The following CIRSR variants were observed in gnomAD, a reference collection of about 807,000 sequenced individuals.
The protein encoded by CIRSR is CBF1 (RBPJ) interacting corepressor 1.
the CIRSR span, among the ~76,000 whole-genome samples, chr2:174,354,971 T>C: frequency 6.6e-6 from 1 of 151,378 alleles, no homozygotes; most frequent in Non-Finnish European, 1.5e-5. Context: ...GTAGTAATAC[T>C]TTTCACAATG....
chr2:174,362,796 T>C, the CIRSR span, among the ~76,000 whole-genome samples: 1 of 151,146 alleles, frequency 6.6e-6, no homozygotes, highest in South Asian at 2.1e-4. Flanking sequence ...CAGAGTATTA[T>C]AGCTTGCTGG....
chr2:174,392,746 T>C, the CIRSR span, among the ~76,000 whole-genome samples: 1 of 152,374 alleles, frequency 6.6e-6, no homozygotes, highest in South Asian at 2.1e-4. Context: ...TCTACCCATA[T>C]GAGATAGCAA....
the CIRSR span, chr2:174,380,610 T>C: frequency 1.9e-6 from 3 of 1,551,736 alleles, no homozygotes; most frequent in South Asian, 3.5e-5. Flanking sequence ...AATGTAAACT[T>C]AATGATACAT....
the CIRSR span, among the ~76,000 whole-genome samples, chr2:174,365,893 A>T: frequency 6.6e-6 from 1 of 152,198 alleles, no homozygotes; most frequent in Middle Eastern, 3.2e-3. Flanking sequence ...AACCAGACTT[A>T]GATATGGCAG....
At chr2:174,376,934 G>A in the CIRSR span, among the ~76,000 whole-genome samples, 1 of 152,150 alleles carries the variant, frequency 6.6e-6, no homozygotes, top group East Asian at 1.9e-4. Flanking sequence ...CTTAAAAACA[G>A]GTTAACTATT....
the CIRSR span, among the ~76,000 whole-genome samples, chr2:174,362,874 G>A: frequency 4.7e-4 from 72 of 152,104 alleles, no homozygotes; most frequent in Admixed American, 2.1e-3. Context: ...AATTGTTGGA[G>A]ACTGAGCATG....
the CIRSR span, chr2:174,387,491 C>T: frequency 3.5e-5 from 17 of 491,468 alleles, no homozygotes; most frequent in Admixed American, 8.9e-5. Context: ...CTATATTTTA[C>T]GTGAATTATG....
chr2:174,389,476 G>A, the CIRSR span, among the ~76,000 whole-genome samples: 10 of 152,224 alleles, frequency 6.6e-5, no homozygotes, highest in South Asian at 4.1e-4. Flanking sequence ...TAAGGTATCC[G>A]GTAGAAGAAA....
At chr2:174,376,847 C>T in the CIRSR span, among the ~76,000 whole-genome samples, 1 of 150,974 alleles carries the variant, frequency 6.6e-6, no homozygotes, top group African/African-American at 2.4e-5. Flanking sequence ...TGGAGAAGAG[C>T]CAATAACCAG....
chr2:174,382,379 C>G, the CIRSR span, among the ~76,000 whole-genome samples: 3 of 152,148 alleles, frequency 2.0e-5, no homozygotes, highest in South Asian at 6.2e-4. Context: ...TGGCTCACAC[C>G]TGTAATCCCA....
the CIRSR span, among the ~76,000 whole-genome samples, chr2:174,352,208 CACACACACACACACACACAT>C: frequency 3.2e-5 from 1 of 31,684 alleles, no homozygotes; most frequent in Non-Finnish European, 1.4e-4. Flanking sequence ...TTGCTAATCA[CACACACACACACACACACAT>C]ACACACACAC....
At chr2:174,384,592 T>G in the CIRSR span, among the ~76,000 whole-genome samples, 1 of 152,200 alleles carries the variant, frequency 6.6e-6, no homozygotes, top group African/African-American at 2.4e-5. Flanking sequence ...TCTCTTTGTT[T>G]TTTGGGGTTT....
the CIRSR span, among the ~76,000 whole-genome samples, chr2:174,363,090 C>T: frequency 6.6e-6 from 1 of 152,150 alleles, no homozygotes; most frequent in African/African-American, 2.4e-5. Flanking sequence ...AATGCTAACT[C>T]TCAAGGGCAA....
the CIRSR span, among the ~76,000 whole-genome samples, chr2:174,361,082 ATCAACTACG>A: frequency 6.8e-6 from 1 of 147,530 alleles, no homozygotes; most frequent in African/African-American, 2.7e-5. Context: ...ATCAACTACG[ATCAACTACG>A]ATCAACTATA....
At chr2:174,372,717 G>T in the CIRSR span, among the ~76,000 whole-genome samples, 1 of 151,966 alleles carries the variant, frequency 6.6e-6, no homozygotes, top group Non-Finnish European at 1.5e-5. Flanking sequence ...TGAGTGGCTG[G>T]GATTACAGGC....
At chr2:174,386,723 T>C in the CIRSR span, among the ~76,000 whole-genome samples, 1 of 152,236 alleles carries the variant, frequency 6.6e-6, no homozygotes, top group South Asian at 2.1e-4. Context: ...GAACCACCTA[T>C]CTAAATCCTT....
the CIRSR span, among the ~76,000 whole-genome samples, chr2:174,383,829 C>A: frequency 1.4e-5 from 2 of 147,446 alleles, no homozygotes; most frequent in South Asian, 2.1e-4. Context: ...TCACCTTGCA[C>A]CTACTGGCTA....
chr2:174,368,169 A>AGATCC, the CIRSR span, among the ~76,000 whole-genome samples: 1 of 152,208 alleles, frequency 6.6e-6, no homozygotes, highest in African/African-American at 2.4e-5. Context: ...CAGATTCAGC[A>AGATCC]AGCAGAAAAT....
chr2:174,369,955 G>T, the CIRSR span: 2 of 1,361,720 alleles, frequency 1.5e-6, no homozygotes, highest in Admixed American at 3.9e-5. Flanking sequence ...TTGGAAAACT[G>T]GTGCTGATAG....
Sources: allele counts gnomAD v4.1 joint callset (sites outside exome capture counted in the v4.1 genomes callset), GRCh38; gene constraint gnomAD v4.1.1; transcripts MANE v1.5; gene names NCBI Gene and HGNC (gene_info 2026-07-23, HGNC 2026-07-21).